Variants in TCF4 observed in about 807,000 individuals in gnomAD.
TCF4 encodes the protein SL3-3 enhancer factor 2.
TCF4 carries 3 observed loss-of-function variants against 82.1 expected under a neutral mutation model. The observed-to-expected ratio is 0.04, with a 90% CI of 0.02 to 0.09. The LOEUF is 0.09. TCF4 is among the 10% of genes least tolerant of loss of function. TCF4 has a pLI of 1.00. For synonymous variants in TCF4, 276 were observed against 309.6 expected, an observed-to-expected ratio of 0.89 and a Z score of 1.14; for missense variants, 518 against 852.7, an observed-to-expected ratio of 0.61 and a Z score of 4.89.
chr18:55,523,700 C>A lies in TCF4; in HGVS notation c.146-59563G>T, dbSNP rs188739083. On this transcript the variant is annotated intron_variant, in intron 3 of 19. Coordinates refer to ENST00000354452, the MANE Select transcript of TCF4 (RefSeq NM_001083962.2). Reference sequence around the variant, plus strand: ...TTTTAAAAAAATAGCCCAGGCAATACAATCGACTGTTACAGTACTGAACTA... The same window carrying A: ...TTTTAAAAAAATAGCCCAGGCAATAAAATCGACTGTTACAGTACTGAACTA... Among the ~76,000 whole-genome samples the A allele has an allele frequency of 5.5e-3, 832 of 150,962 alleles. 6 individuals are homozygous for A. Among genetic ancestry groups the A allele is most frequent in the African/African-American group, 0.019 (778 of 41,076 alleles).
chr18:55,262,210 C>T (rs1031999808), intron 11 of TCF4, among the ~76,000 whole-genome samples: 4 of 152,096 alleles, frequency 2.6e-5, no homozygotes, highest in Admixed American at 2.6e-4. Context: ...TCTCTACTGC[C>T]TTAAACACTG....
At chr18:55,462,283 T>C (rs1244554170) in intron 4 of TCF4, among the ~76,000 whole-genome samples, 3 of 152,160 alleles carry the variant, frequency 2.0e-5, no homozygotes, top group African/African-American at 7.2e-5. Context: ...ACTCACTCTA[T>C]ACCAGGCATT....
intron 3 of TCF4, among the ~76,000 whole-genome samples, chr18:55,526,561 G>A (rs529316097): frequency 1.3e-5 from 2 of 152,218 alleles, no homozygotes; most frequent in South Asian, 4.1e-4. Flanking sequence ...ACCACATGGG[G>A]CAAGATTAGT....
At chr18:55,254,395 T>A (rs1470649466) in intron 15 of TCF4, 102 bp downstream of exon 15, 12 of 1,125,208 alleles carry the variant, frequency 1.1e-5, no homozygotes, top group Non-Finnish European at 1.6e-5. Flanking sequence ...GTGAATTATA[T>A]CTCAATAAAG....
At chr18:55,337,872 A>G (rs2078982627) in intron 8 of TCF4, among the ~76,000 whole-genome samples, 1 of 152,066 alleles carries the variant, frequency 6.6e-6, no homozygotes, top group African/African-American at 2.4e-5. Context: ...TCCGATGGCC[A>G]TGTACATACA....
chr18:55,326,110 A>ATT (rs2076508826), intron 8 of TCF4, among the ~76,000 whole-genome samples: 1 of 152,170 alleles, frequency 6.6e-6, no homozygotes, highest in African/African-American at 2.4e-5. Context: ...AAAAGCTACT[A>ATT]AGACACTGGA....
At chr18:55,572,843 C>T (rs1457146058) in intron 3 of TCF4, among the ~76,000 whole-genome samples, 6 of 152,068 alleles carry the variant, frequency 3.9e-5, no homozygotes, top group Non-Finnish European at 7.4e-5. Flanking sequence ...CACCTGAGGT[C>T]GGGAGTTCGA....
At chr18:55,360,500 T>G (rs972006099) in intron 6 of TCF4, among the ~76,000 whole-genome samples, 5 of 152,198 alleles carry the variant, frequency 3.3e-5, no homozygotes, top group Admixed American at 6.5e-5. Context: ...AACAATCTTC[T>G]AACACTGAGG....
chr18:55,515,811 G>C (rs1021710389), intron 3 of TCF4, among the ~76,000 whole-genome samples: 1 of 152,082 alleles, frequency 6.6e-6, no homozygotes, highest in Non-Finnish European at 1.5e-5. Flanking sequence ...AAATTTGGAG[G>C]GGGGTGGGCG....
intron 6 of TCF4, chr18:55,400,864 A>AT (rs2146414835): frequency 1.2e-6 from 1 of 868,354 alleles, no homozygotes; most frequent in African/African-American, 1.8e-5. Context: ...CTTTAAGTCC[A>AT]TAGGATACAC....
chr18:55,476,774 C>T (rs2096298407), intron 3 of TCF4, among the ~76,000 whole-genome samples: 1 of 152,132 alleles, frequency 6.6e-6, no homozygotes, highest in Admixed American at 6.5e-5. Flanking sequence ...AGCCTACAGC[C>T]CTTGTCATTT....
At chr18:55,245,143 CT>C (rs1390977490) in intron 15 of TCF4, among the ~76,000 whole-genome samples, 2 of 152,176 alleles carry the variant, frequency 1.3e-5, no homozygotes, top group Non-Finnish European at 2.9e-5. Flanking sequence ...AATGCTACAG[CT>C]TTTTTTCAGT....
At chr18:55,592,004 CT>C (rs1281469050), upstream of TCF4, among the ~76,000 whole-genome samples, 3 of 152,072 alleles carry the variant, frequency 2.0e-5, no homozygotes, top group Non-Finnish European at 4.4e-5. Context: ...GTTTTGTCTT[CT>C]TTTTGTTTTT....
chr18:55,564,170 T>C (rs1430163265), intron 3 of TCF4, among the ~76,000 whole-genome samples: 4 of 152,170 alleles, frequency 2.6e-5, no homozygotes, highest in South Asian at 2.1e-4. Context: ...GCAAAGGCCC[T>C]GAATCAAGAA....
intron 3 of TCF4, among the ~76,000 whole-genome samples, chr18:55,554,830 A>G (rs575390496): frequency 6.6e-6 from 1 of 152,344 alleles, no homozygotes; most frequent in South Asian, 2.1e-4. Context: ...TGAATTCTGT[A>G]ACTTCACCAT....
chr18:55,610,552 G>A (rs2097706091), intron 2 of TCF4, among the ~76,000 whole-genome samples: 1 of 152,150 alleles, frequency 6.6e-6, no homozygotes, highest in South Asian at 2.1e-4. Context: ...CTAATCAAAA[G>A]CCACATTCTC....
At chr18:55,534,126 T>C (rs2097094725) in intron 3 of TCF4, among the ~76,000 whole-genome samples, 2 of 152,228 alleles carry the variant, frequency 1.3e-5, no homozygotes, top group Non-Finnish European at 2.9e-5. Context: ...TTTTACAAAA[T>C]ATTTTTGATA....
chr18:55,246,232 CGTGTGTGTGTGT>C (rs34773632), intron 15 of TCF4, among the ~76,000 whole-genome samples: 2,983 of 147,746 alleles, frequency 0.02, 46 homozygotes, highest in Non-Finnish European at 0.029. Context: ...TTTAAATACA[CGTGTGTGTGTGT>C]GTGTGTGTGT....
chr18:55,534,075 T>TGA (rs2097094176), intron 3 of TCF4, among the ~76,000 whole-genome samples: 2 of 152,228 alleles, frequency 1.3e-5, no homozygotes, highest in African/African-American at 4.8e-5. Flanking sequence ...ATGTTTCATA[T>TGA]GCAGCTTCAT....
Sources: gnomAD v4.1 joint callset for allele counts (sites outside exome capture counted in the v4.1 genomes callset) on GRCh38, gnomAD v4.1.1 for gene constraint, MANE v1.5 for transcripts, NCBI Gene and HGNC (gene_info 2026-07-23, HGNC 2026-07-21) for gene names.